TUB: variants seen among roughly 807,000 people sequenced by gnomAD.
TUB encodes TUB bipartite transcription factor.
In TUB, 33 loss-of-function variants were observed where a neutral mutation model predicts 59.7. The ratio of observed to expected loss-of-function variants is 0.55; its 90% CI spans 0.42 to 0.74. The LOEUF (loss-of-function observed/expected upper bound fraction) is 0.74, where lower values mean the gene tolerates loss of function less well. TUB is among the 30% of genes least tolerant of loss of function. The pLI, the probability that TUB is intolerant of heterozygous loss-of-function variation, is 0.00. For synonymous variants in TUB, 293 were observed against 256.4 expected, an observed-to-expected ratio of 1.14 and a Z score of -1.36; for missense variants, 659 against 672.0, an observed-to-expected ratio of 0.98 and a Z score of 0.21.
At chr11:8,019,651 C>A (rs955915631) in intron 1 of TUB, among the ~76,000 whole-genome samples, 1 of 152,108 alleles carries the variant, frequency 6.6e-6, no homozygotes, top group Non-Finnish European at 1.5e-5. Context: ...GCCAGGGTCG[C>A]TCCGCCGGGG....
chr11:8,058,270 T>C (rs1029377133), intron 2 of TUB, among the ~76,000 whole-genome samples: 3 of 151,372 alleles, frequency 2.0e-5, no homozygotes, highest in African/African-American at 7.3e-5. Context: ...AAACAAGTTA[T>C]GTTTACAAAG....
chr11:8,047,046 T>A (rs1382394981), intron 2 of TUB, among the ~76,000 whole-genome samples: 1 of 152,214 alleles, frequency 6.6e-6, no homozygotes, highest in Non-Finnish European at 1.5e-5. Context: ...GCTCTAAAGC[T>A]TTAGCACAGA....
chr11:8,091,396 C>T (rs1943772473), intron 3 of TUB, among the ~76,000 whole-genome samples: 1 of 152,162 alleles, frequency 6.6e-6, no homozygotes, highest in Non-Finnish European at 1.5e-5. Flanking sequence ...GTACATCTGC[C>T]AGTGGCTAAG....
chr11:8,019,492 G>T, intron 1 of TUB: 1 of 866,372 alleles, frequency 1.2e-6, no homozygotes, highest in Non-Finnish European at 1.5e-6. Flanking sequence ...CCGGACCCTC[G>T]GGCATCCGGG....
At chr11:8,083,226 T>TGGAAGTACC (rs1192934693) in intron 1 of TUB, among the ~76,000 whole-genome samples, 1 of 152,028 alleles carries the variant, frequency 6.6e-6, no homozygotes. Context: ...TCCGGTGCTG[T>TGGAAGTACC]GGAAGTACCT....
At chr11:8,038,758 A>C (rs1942689077) in exon 1 of TUB, 2 of 1,509,390 alleles carry the variant, frequency 1.3e-6, no homozygotes, top group Non-Finnish European at 1.8e-6. Context: ...GAAGGGAGAC[A>C]TCCAAGTGCT....
chr11:8,092,196 C>T (rs1943798442), intron 3 of TUB, among the ~76,000 whole-genome samples: 2 of 152,316 alleles, frequency 1.3e-5, no homozygotes, highest in South Asian at 4.1e-4. Flanking sequence ...AATCCCAACA[C>T]TTTGGGAGGC....
At chr11:8,031,137 G>A (rs1942565481) in intron 1 of TUB, among the ~76,000 whole-genome samples, 1 of 152,228 alleles carries the variant, frequency 6.6e-6, no homozygotes, top group East Asian at 1.9e-4. Flanking sequence ...GCCACCAAGG[G>A]CAGCCATGTA....
intron 2 of TUB, among the ~76,000 whole-genome samples, chr11:8,048,482 G>A (rs1942874709): frequency 6.7e-6 from 1 of 148,498 alleles, no homozygotes; most frequent in Non-Finnish European, 1.5e-5. Context: ...GCTCACTGCA[G>A]CCCAGAAGTC....
intron 2 of TUB, among the ~76,000 whole-genome samples, chr11:8,052,774 C>G (rs763745632): frequency 2.0e-5 from 3 of 152,054 alleles, no homozygotes; most frequent in African/African-American, 7.2e-5. Context: ...TGTGCCCGGC[C>G]GGACCTTTTT....
Position 8,104,204 on chromosome 11 carries a change from T to A in TUB, c.*2585T>A, listed in dbSNP as rs911639710. 3 of 152,228 alleles carry A rather than the reference T, an allele frequency of 2.0e-5. No individual in the cohort carries two copies. Among genetic ancestry groups the A allele is most frequent in the Admixed American group, 6.5e-5 (1 of 15,278 alleles). The allele number at this position is 152,228 out of a possible 1,614,324, so 9.4% of individuals were successfully genotyped here. On this transcript the variant is annotated 3_prime_UTR_variant, in exon 12 of 12. Coordinates refer to ENST00000299506, the MANE Select transcript of TUB (RefSeq NM_177972.3). ...ACCCTCTACCTGGATGGATGGTCTT[T>A]GGGCAGGGAATTAATGACAGAATGA... is the stretch of plus-strand genomic sequence containing the variant.
chr11:8,058,024 A>G (rs1943046461), intron 2 of TUB, among the ~76,000 whole-genome samples: 9 of 152,024 alleles, frequency 5.9e-5, no homozygotes, highest in Admixed American at 5.9e-4. Context: ...AGCCTGGGCA[A>G]CATGGTGAGA....
upstream of TUB, among the ~76,000 whole-genome samples, chr11:8,080,254 G>A (rs1943522753): frequency 1.3e-5 from 2 of 152,214 alleles, no homozygotes; most frequent in African/African-American, 4.8e-5. Context: ...GGCGTGTGGG[G>A]ACCGTGCCCC....
intron 2 of TUB, among the ~76,000 whole-genome samples, chr11:8,061,665 A>G (rs546415344): frequency 2.6e-5 from 4 of 151,986 alleles, no homozygotes; most frequent in Non-Finnish European, 4.4e-5. Context: ...ATGTCCCTGC[A>G]TACACTGGAC....
In TUB at chr11:8,042,169, A is replaced by G. The variant is rs1437196868; in HGVS notation, c.203+2477A>G. 2.0e-5 allele frequency among the ~76,000 whole-genome samples: 3 copies of G among 147,918 alleles called. No homozygotes were observed. The East Asian group carries it at 6.1e-4, about 30-fold the overall frequency. ...CCCAGCCTTAGGCAGCCACTAATCT[A>G]TTTTCTATCTTTATAGATTTGCCTA... On this transcript the variant is annotated intron_variant, in intron 2 of 12. Coordinates refer to the TUB transcript ENST00000305253.
At position 8,049,570 on chromosome 11, in the gene TUB, TATATATATATAGATAG is replaced by T. The variant is rs920307223; in HGVS notation, c.203+9882_203+9897del. On this transcript the variant is annotated intron_variant, in intron 2 of 12. Coordinates refer to the TUB transcript ENST00000305253. ...ATGGTGGTATTATGTGGTATATATA[TATATATATATAGATAG>T]ATAGATAGATAGATAGATACACACA... Among the ~76,000 whole-genome samples the T allele has an allele frequency of 7.0e-3, 622 of 88,238 alleles. 14 individuals carry two copies. The highest frequency in any genetic ancestry group is 0.024 in the African/African-American group (580 of 24,600). 57.9% of individuals were successfully genotyped at this position (88,238 alleles called of 152,430 possible).
intron 3 of TUB, among the ~76,000 whole-genome samples, chr11:8,093,615 C>T (rs569936097): frequency 2.6e-5 from 4 of 152,300 alleles, no homozygotes; most frequent in South Asian, 2.1e-4. Context: ...AGAGCCCCCT[C>T]GTAGGCTCCC....
intron 1 of TUB, among the ~76,000 whole-genome samples, chr11:8,039,299 T>G (rs1193792608): frequency 6.6e-6 from 1 of 152,028 alleles, no homozygotes; most frequent in African/African-American, 2.4e-5. Context: ...TCCCCCAGCC[T>G]CCAGGGCTCC....
chr11:8,097,437 C>T lies in TUB; in HGVS notation c.885+12C>T. 2 of 1,614,184 alleles carry T rather than the reference C, an allele frequency of 1.2e-6. No homozygotes were observed. The highest frequency in any genetic ancestry group is 1.7e-6 in the Non-Finnish European group (2 of 1,180,028). Reference sequence around the variant, plus strand: ...AGGATGGGAAGAAGGTAAGGTTGGTCTGGGCATGTTATCATCTAGGCTTTA... The same window carrying T: ...AGGATGGGAAGAAGGTAAGGTTGGTTTGGGCATGTTATCATCTAGGCTTTA... On this transcript the variant is annotated intron_variant, in intron 7 of 11. Coordinates refer to ENST00000299506, the MANE Select transcript of TUB (RefSeq NM_177972.3).
Sources: gnomAD v4.1 joint callset for allele counts (sites outside exome capture counted in the v4.1 genomes callset) on GRCh38, gnomAD v4.1.1 for gene constraint, MANE v1.5 for transcripts, NCBI Gene and HGNC (gene_info 2026-07-23, HGNC 2026-07-21) for gene names.